Variants in GPT2 observed in about 807,000 individuals in gnomAD.
GPT2 encodes glutamic--pyruvic transaminase 2.
Under a neutral mutation model 56.9 loss-of-function variants are expected in GPT2, and 30 were observed. The observed-to-expected ratio is 0.53, with a 90% CI of 0.39 to 0.72. GPT2 has a LOEUF of 0.72. Among genes scored for constraint, GPT2 ranks in the 30% least tolerant of loss-of-function variants. GPT2 has a pLI of 0.00. For synonymous variants in GPT2, 271 were observed against 283.1 expected, an observed-to-expected ratio of 0.96 and a Z score of 0.43; for missense variants, 542 against 703.4, an observed-to-expected ratio of 0.77 and a Z score of 2.60.
chr16:46,909,738 A>G lies in GPT2; in HGVS notation c.631A>G (p.Ile211Val), dbSNP rs1222435275. 1.2e-6 allele frequency: 2 copies of G among 1,613,808 alleles called. No homozygotes were observed. The highest frequency in any genetic ancestry group is 1.7e-6 in the Non-Finnish European group (2 of 1,179,896). The change falls in exon 6 of 12, where the codon ATC (isoleucine) becomes GTC (valine). Residue 211 changes from isoleucine (I) to valine (V), a missense_variant. Physicochemically the swap from Ile to Val is conservative, Grantham distance 29 (BLOSUM62 3). Coordinates refer to ENST00000340124, the MANE Select transcript of GPT2 (RefSeq NM_133443.4). ...GGGKSRTGVM[I>V]PIPQYPLYSA... Reference sequence around the variant, plus strand: ...CGGCAAGTCACGGACAGGTGTGATGATCCCCATCCCACAATATCCCCTCTA... The same window carrying G: ...CGGCAAGTCACGGACAGGTGTGATGGTCCCCATCCCACAATATCCCCTCTA...
At chr16:46,885,325 G>GA in intron 2 of GPT2, 1 of 788,344 alleles carries the variant, frequency 1.3e-6, no homozygotes, top group Non-Finnish European at 1.5e-6. Flanking sequence ...TAAGTTCTTG[G>GA]AAAAAAGTAA....
At position 46,929,518 on chromosome 16, in the gene GPT2, G is replaced by A. The variant is rs2290317; in HGVS notation, c.*521G>A. ...GCCCGGTGGCCTGGAGGCAGGCGCC[G>A]GGAGCGCAGTAGCACGTGGACTGGG... On this transcript the variant is annotated 3_prime_UTR_variant, in exon 12 of 12. Transcript: ENST00000340124. 2.8e-3 allele frequency: 456 copies of A among 161,046 alleles called. 10 individuals are homozygous for A. In the East Asian group the frequency reaches 0.048, roughly 17 times the overall value. 10.0% of individuals were successfully genotyped at this position (161,046 alleles called of 1,614,324 possible). A position where few individuals can be genotyped will look rare whatever the true frequency, so the allele number is the denominator to read the frequency against.
chr16:46,892,050 C>G (rs1960597055), intron 2 of GPT2, among the ~76,000 whole-genome samples: 1 of 152,104 alleles, frequency 6.6e-6, no homozygotes. Context: ...AAGTTTGTAC[C>G]CTTTGACCAA....
At chr16:46,885,006 A>G (rs1339867835) in intron 2 of GPT2, 48 bp downstream of exon 2, 5 of 1,416,516 alleles carry the variant, frequency 3.5e-6, no homozygotes, top group South Asian at 1.5e-5. Flanking sequence ...TGAGCAAGGG[A>G]AAAACCGCAG....
rs1205054147 is a variant in GPT2, at chr16:46,909,902, C to T, written c.795C>T (p.Cys265=). The T allele has an allele frequency of 8.1e-6, 13 of 1,612,176 alleles. No individual in the cohort carries two copies. The highest frequency in any genetic ancestry group is 1.7e-5 in the Admixed American group (1 of 59,910). ...AKDHCDPKVL[C]IINPGNPTGQ... ...ACCACTGTGATCCTAAGGTGCTCTG[C>T]ATAATCAACCCTGGGAACCCCACAG... The change falls in exon 6 of 12, where the codon TGC becomes TGT. Residue 265 remains cysteine (C), a synonymous_variant. Transcript: ENST00000340124.
intron 8 of GPT2, among the ~76,000 whole-genome samples, chr16:46,919,996 C>T (rs1200793716): frequency 6.6e-6 from 1 of 152,128 alleles, no homozygotes; most frequent in Non-Finnish European, 1.5e-5. Context: ...CACTCGAGGC[C>T]AGGAGTTTGA....
rs1228363511 is a variant in GPT2 at position 46,884,832 on chromosome 16, C to T, written c.117C>T (p.Pro39=). ...AEASAVLKVR[P]ERSRRERILT... is the part of the protein sequence containing the mutation. ...CCTCGGCGGTGCTCAAGGTGCGGCC[C>T]GAGCGCAGCCGGCGCGAGCGCATCC... The change falls in exon 2 of 12, where the codon CCC becomes CCT. Residue 39 remains proline (P), a synonymous_variant. Coordinates refer to ENST00000340124, the MANE Select transcript of GPT2 (RefSeq NM_133443.4). The T allele has an allele frequency of 1.3e-6, 2 of 1,540,222 alleles. No individual in the cohort carries two copies. Among genetic ancestry groups the T allele is most frequent in the Admixed American group, 4.0e-5 (2 of 50,382 alleles).
At chr16:46,895,411 G>T (rs747000946) in intron 2 of GPT2, among the ~76,000 whole-genome samples, 2 of 152,008 alleles carry the variant, frequency 1.3e-5, no homozygotes, top group Non-Finnish European at 2.9e-5. Context: ...TGTAGTCCCA[G>T]CCACTTGGGA....
At chr16:46,910,038 C>G (rs1961015893) in intron 6 of GPT2, 111 bp downstream of exon 6, 10 of 1,386,188 alleles carry the variant, frequency 7.2e-6, no homozygotes, top group Non-Finnish European at 9.7e-6. Context: ...CCTAGTTTCC[C>G]TTCCAGATTT....
chr16:46,907,458 T>G (rs538540687), intron 5 of GPT2, among the ~76,000 whole-genome samples: 3 of 152,242 alleles, frequency 2.0e-5, no homozygotes, highest in African/African-American at 7.2e-5. Flanking sequence ...TCCGACCTGG[T>G]GGAGCGGGGG....
At chr16:46,900,623 C>A in intron 3 of GPT2, 59 bp from the exon 4 acceptor site, 1 of 1,350,208 alleles carries the variant, frequency 7.4e-7, no homozygotes, top group African/African-American at 1.4e-5. Flanking sequence ...CCTCTGTGCT[C>A]CTCCTGGAGC....
rs200969659 is a variant in GPT2, at chr16:46,884,670, G to C, written c.-22-24G>C. 24 of 1,364,176 alleles carry C rather than the reference G, an allele frequency of 1.8e-5. No homozygotes were observed. In the East Asian group the frequency reaches 6.7e-4, roughly 38 times the overall value. The allele number at this position is 1,364,176 out of a possible 1,614,324, so 84.5% of individuals were successfully genotyped here. A position where few individuals can be genotyped will look rare whatever the true frequency, so the allele number is the denominator to read the frequency against. On this transcript the variant is annotated intron_variant, in intron 1 of 11. Coordinates refer to ENST00000340124, the MANE Select transcript of GPT2 (RefSeq NM_133443.4). ...CGCCTGGGCAGTGCGCGACGTGTTT[G>C]TTCTTTTTCTCTTTTTGTGCCAGGG...
At chr16:46,924,106 T>C in intron 9 of GPT2, 1 of 445,090 alleles carries the variant, frequency 2.2e-6, no homozygotes, top group Non-Finnish European at 4.2e-6. Context: ...CTCCCTGTTT[T>C]GCTGTGCTCA....
At chr16:46,919,537 G>A (rs1053757336) in intron 8 of GPT2, among the ~76,000 whole-genome samples, 1 of 152,242 alleles carries the variant, frequency 6.6e-6, no homozygotes, top group African/African-American at 2.4e-5. Context: ...CACCTGCTGT[G>A]CTGGCAGAAC....
intron 1 of GPT2, 85 bp downstream of exon 1, chr16:46,884,552 C>T: frequency 1.2e-6 from 1 of 863,402 alleles, no homozygotes; most frequent in Non-Finnish European, 1.5e-6. Context: ...GTGGAGGGTC[C>T]GGGTCGCCGG....
chr16:46,894,853 G>T (rs1293199009), intron 2 of GPT2, among the ~76,000 whole-genome samples: 2 of 152,128 alleles, frequency 1.3e-5, no homozygotes, highest in African/African-American at 2.4e-5. Flanking sequence ...TTTTAGTAGA[G>T]ACGGGGTTTC....
intron 2 of GPT2, among the ~76,000 whole-genome samples, chr16:46,888,436 T>C (rs1233995417): frequency 6.6e-6 from 1 of 152,162 alleles, no homozygotes; most frequent in Admixed American, 6.5e-5. Flanking sequence ...AACCTCCGCC[T>C]CCCGGGTTGA....
chr16:46,916,354 T>TAAA, intron 6 of GPT2: 1 of 238,244 alleles, frequency 4.2e-6, no homozygotes, highest in Non-Finnish European at 8.1e-6. Flanking sequence ...TCAAAAAAAT[T>TAAA]AAAAAAAAAA....
chr16:46,902,049 C>T (rs977979784), intron 4 of GPT2, among the ~76,000 whole-genome samples: 1 of 152,228 alleles, frequency 6.6e-6, no homozygotes, highest in Non-Finnish European at 1.5e-5. Flanking sequence ...AACTGAGAGG[C>T]AGGGGGAGGG....
Sources: gnomAD v4.1 joint callset for allele counts (sites outside exome capture counted in the v4.1 genomes callset) on GRCh38, gnomAD v4.1.1 for gene constraint, MANE v1.5 for transcripts, NCBI Gene and HGNC (gene_info 2026-07-23, HGNC 2026-07-21) for gene names.